Variants in PTPN20 observed in about 807,000 individuals in gnomAD.
PTPN20 encodes tyrosine-protein phosphatase non-receptor type 20.
In PTPN20, 9 loss-of-function variants were observed where a neutral mutation model predicts 35.0. The ratio of observed to expected loss-of-function variants is 0.26; its 90% confidence interval spans 0.15 to 0.45. PTPN20 has a LOEUF of 0.45. PTPN20 is among the 20% of genes least tolerant of loss of function. The pLI, the probability that PTPN20 is intolerant of heterozygous loss-of-function variation, is 1.00. For synonymous variants in PTPN20, 32 were observed against 100.2 expected, an observed-to-expected ratio of 0.32 and a Z score of 4.06; for missense variants, 111 against 312.5, an observed-to-expected ratio of 0.36 and a Z score of 4.86.
At chr10:46,937,729 A>T (rs1294642061) in intron 2 of PTPN20, among the ~76,000 whole-genome samples, 1 of 151,912 alleles carries the variant, frequency 6.6e-6, no homozygotes, top group Non-Finnish European at 1.5e-5. Context: ...TTCCTTGAGC[A>T]CCTTTTAAAA....
Position 46,953,618 on chromosome 10 carries a change from G to A in PTPN20, c.340+6943G>A, listed in dbSNP as rs1344782582. 3.1e-4 allele frequency among the ~76,000 whole-genome samples: 42 copies of A among 135,602 alleles called. 7 individuals carry two copies. The highest frequency in any genetic ancestry group is 1.3e-3 in the African/African-American group (39 of 30,614). 89.0% of individuals were successfully genotyped at this position (135,602 alleles called of 152,430 possible). The stretch of plus-strand genomic sequence containing the variant: ...CTAGTTTCCCGGAGTTATTATGAAT[G>A]GACTCTTACTTTTGTTAAATGCTTT... On this transcript the variant is annotated intron_variant, in intron 5 of 10. Transcript: ENST00000374339.
At chr10:46,937,940 TTTTTC>T (rs1247809447) in intron 2 of PTPN20, among the ~76,000 whole-genome samples, 1 of 130,328 alleles carries the variant, frequency 7.7e-6, no homozygotes, top group East Asian at 2.4e-4. Context: ...TTCTTTTTTC[TTTTTC>T]TTTTCTTTTT....
chr10:46,955,013 A>C (rs1432276103), intron 5 of PTPN20: 2 of 151,510 alleles, frequency 1.3e-5, no homozygotes, highest in Non-Finnish European at 2.9e-5. Flanking sequence ...TAGGTATTAT[A>C]AGTAATCTAG....
intron 5 of PTPN20, among the ~76,000 whole-genome samples, chr10:46,953,538 G>A (rs1343678346): frequency 5.7e-5 from 8 of 140,064 alleles, no homozygotes; most frequent in African/African-American, 2.4e-4. Context: ...TATAATGTTC[G>A]CTGTAGTATT....
intron 1 of PTPN20, among the ~76,000 whole-genome samples, chr10:46,928,635 A>G (rs1200621718): frequency 6.6e-6 from 1 of 151,494 alleles, no homozygotes; most frequent in Non-Finnish European, 1.5e-5. Flanking sequence ...GAAACCACGG[A>G]ATGACATTTC....
chr10:46,925,666 C>G (rs1369311482), intron 1 of PTPN20, among the ~76,000 whole-genome samples: 1 of 149,960 alleles, frequency 6.7e-6, no homozygotes, highest in Non-Finnish European at 1.5e-5. Flanking sequence ...TAGGAACATG[C>G]CTTTTCTTTT....
chr10:46,994,493 G>C (rs924323419), intron 9 of PTPN20, among the ~76,000 whole-genome samples: 5 of 151,564 alleles, frequency 3.3e-5, no homozygotes, highest in Non-Finnish European at 5.9e-5. Flanking sequence ...CATCACGCCC[G>C]GCTAATTTTT....
intron 2 of PTPN20, among the ~76,000 whole-genome samples, chr10:46,938,460 A>C (rs1317530073): frequency 0.016 from 324 of 20,750 alleles, 13 homozygotes; most frequent in African/African-American, 0.097. Flanking sequence ...ATTCTGGCTC[A>C]TATGAACTGT....
At chr10:46,996,713 C>G (rs940500812) in intron 9 of PTPN20, among the ~76,000 whole-genome samples, 3,748 of 152,154 alleles carry the variant, frequency 0.025, 149 homozygotes, top group African/African-American at 0.085. Flanking sequence ...CTAGTTGTTT[C>G]AATATCATTT....
chr10:46,922,251 AT>A (rs2035592790), intron 1 of PTPN20, among the ~76,000 whole-genome samples: 2 of 150,378 alleles, frequency 1.3e-5, no homozygotes, highest in South Asian at 4.3e-4. Context: ...AGAGAGGGGA[AT>A]TTTAGAAAAA....
chr10:46,976,002 A>C (rs2053471123), intron 7 of PTPN20, among the ~76,000 whole-genome samples: 1 of 151,088 alleles, frequency 6.6e-6, no homozygotes, highest in South Asian at 2.1e-4. Flanking sequence ...GGAGTGCAGT[A>C]GCATAATCAT....
intron 1 of PTPN20, among the ~76,000 whole-genome samples, chr10:46,923,561 T>C (rs1183318112): frequency 2.6e-5 from 4 of 151,210 alleles, no homozygotes; most frequent in Non-Finnish European, 5.9e-5. Flanking sequence ...TGTATTCTGT[T>C]CCATTGATCT....
intron 2 of PTPN20, among the ~76,000 whole-genome samples, chr10:46,936,139 T>C (rs2041569349): frequency 6.6e-6 from 1 of 152,046 alleles, no homozygotes; most frequent in Non-Finnish European, 1.5e-5. Context: ...TGCCCATTTT[T>C]TAACAGGGTT....
At chr10:46,931,802 G>A (rs1314812640) in intron 1 of PTPN20, among the ~76,000 whole-genome samples, 1 of 145,732 alleles carries the variant, frequency 6.9e-6, no homozygotes, top group African/African-American at 2.8e-5. Flanking sequence ...TAAATGGAAA[G>A]GTCTCCAGAT....
chr10:46,932,595 G>T (rs2040085935), intron 2 of PTPN20, 62 bp downstream of exon 2: 1 of 1,586,284 alleles, frequency 6.3e-7, no homozygotes, highest in Non-Finnish European at 8.6e-7. Context: ...GTGCCTCTCA[G>T]ACTGTAGATT....
chr10:46,949,032 GCT>G (rs1403898171), intron 5 of PTPN20, among the ~76,000 whole-genome samples: 3 of 151,062 alleles, frequency 2.0e-5, no homozygotes, highest in Non-Finnish European at 2.9e-5. Flanking sequence ...GATTTTGTTT[GCT>G]CTGTTTCCAA....
At chr10:46,954,713 A>G (rs1184812066) in intron 5 of PTPN20, among the ~76,000 whole-genome samples, 1 of 149,278 alleles carries the variant, frequency 6.7e-6, no homozygotes, top group African/African-American at 2.5e-5. Flanking sequence ...AGTTTCCCTT[A>G]CTTTCTCATT....
rs2059963318 is a variant in PTPN20, at chr10:47,000,877, C to T, written c.*136C>T. ...CTTGGTTTATCAGTTTATTTTCTTT[C>T]TAAAAGCTCCCTGAAGGGCAATATC... On this transcript the variant is annotated 3_prime_UTR_variant, in exon 11 of 11. Coordinates refer to ENST00000374339, the MANE Select transcript of PTPN20 (RefSeq NM_001042357.5). 2 of 1,124,576 alleles carry T rather than the reference C, an allele frequency of 1.8e-6. No homozygotes were observed. Among genetic ancestry groups the T allele is most frequent in the Non-Finnish European group, 2.7e-6 (2 of 744,758 alleles). 69.7% of individuals were successfully genotyped at this position (1,124,576 alleles called of 1,614,324 possible).
chr10:46,975,786 T>C (rs2053369902), intron 7 of PTPN20, among the ~76,000 whole-genome samples: 1 of 152,028 alleles, frequency 6.6e-6, no homozygotes, highest in Non-Finnish European at 1.5e-5. Context: ...CTCAGCCTCC[T>C]GAGTAGCTGG....
Sources: allele counts gnomAD v4.1 joint callset (sites outside exome capture counted in the v4.1 genomes callset), GRCh38; gene constraint gnomAD v4.1.1; transcripts MANE v1.5; gene names NCBI Gene and HGNC (gene_info 2026-07-23, HGNC 2026-07-21).